Variants in RARB observed in about 807,000 individuals in gnomAD.
RARB encodes retinoic acid receptor beta.
A neutral mutation model predicts 51.9 loss-of-function variants in RARB; 17 were observed. The ratio of observed to expected loss-of-function variants is 0.33; its 90% confidence interval spans 0.22 to 0.49. RARB has a LOEUF of 0.49. RARB is among the 20% of genes least tolerant of loss of function. The probability of loss-of-function intolerance (pLI) is 0.99; values close to 1 mark genes in which losing one functional copy is unlikely to be tolerated. For synonymous variants in RARB, 215 were observed against 195.4 expected (o/e 1.10, Z -0.84); for missense variants, 369 against 550.8 (o/e 0.67, Z 3.30).
intron 1 of RARB, among the ~76,000 whole-genome samples, chr3:24,846,505 C>T (rs148992067): frequency 2.7e-4 from 41 of 152,244 alleles, no homozygotes; most frequent in Non-Finnish European, 4.9e-4. Flanking sequence ...TATCTATTTG[C>T]AGAAGGGAAT....
At chr3:25,308,536 C>T (rs1704208179) in intron 5 of RARB, among the ~76,000 whole-genome samples, 2 of 150,672 alleles carry the variant, frequency 1.3e-5, no homozygotes, top group African/African-American at 4.9e-5. Flanking sequence ...GCAACCCCTG[C>T]CTCCCAGGTT....
At chr3:25,309,367 C>G (rs1232944229) in intron 5 of RARB, among the ~76,000 whole-genome samples, 1 of 151,254 alleles carries the variant, frequency 6.6e-6, no homozygotes, top group Non-Finnish European at 1.5e-5. Context: ...TCTCGATCTC[C>G]TGACCTCGTG....
At chr3:25,144,388 C>G (rs1316801225) in intron 4 of RARB, among the ~76,000 whole-genome samples, 1 of 151,968 alleles carries the variant, frequency 6.6e-6, no homozygotes, top group East Asian at 1.9e-4. Flanking sequence ...TGAGGAGGTT[C>G]TGGAGGGGGT....
At chr3:25,469,195 C>T (rs1695580867) in intron 2 of RARB, among the ~76,000 whole-genome samples, 2 of 152,200 alleles carry the variant, frequency 1.3e-5, no homozygotes, top group Non-Finnish European at 1.5e-5. Context: ...AGACAGCAAG[C>T]AGAATGTTCA....
At chr3:25,439,197 C>T (rs1708556117) in intron 1 of RARB, among the ~76,000 whole-genome samples, 1 of 151,894 alleles carries the variant, frequency 6.6e-6, no homozygotes, top group African/African-American at 2.4e-5. Flanking sequence ...CTACCAAAAG[C>T]AAAAAAGTAA....
intron 5 of RARB, chr3:25,258,915 C>A (rs1702931182): frequency 3.2e-6 from 1 of 313,928 alleles, no homozygotes; most frequent in Admixed American, 6.5e-5. Context: ...CTCTTAAGGA[C>A]CCAAATTCCT....
chr3:24,921,110 T>C (rs964196984), intron 2 of RARB, among the ~76,000 whole-genome samples: 1 of 152,130 alleles, frequency 6.6e-6, no homozygotes, highest in Non-Finnish European at 1.5e-5. Context: ...ATCTCTTAAC[T>C]AGTATATGCT....
At chr3:25,486,121 C>A (rs1457362088) in intron 2 of RARB, among the ~76,000 whole-genome samples, 2 of 152,006 alleles carry the variant, frequency 1.3e-5, no homozygotes, top group African/African-American at 2.4e-5. Flanking sequence ...TGAGTCAATG[C>A]AAAAAGGGCC....
chr3:24,890,068 T>C (rs978370432), intron 2 of RARB, among the ~76,000 whole-genome samples: 20 of 152,158 alleles, frequency 1.3e-4, no homozygotes, highest in African/African-American at 4.6e-4. Flanking sequence ...GATAAAAATA[T>C]TGAAGAATTA....
At chr3:24,948,208 T>C (rs1373243674) in intron 2 of RARB, among the ~76,000 whole-genome samples, 2 of 150,718 alleles carry the variant, frequency 1.3e-5, no homozygotes, top group Admixed American at 6.6e-5. Flanking sequence ...GTGTACCCAC[T>C]AGAGGAAGGC....
At position 25,126,438 on chromosome 3, in the gene RARB, ATC is replaced by A. The variant is rs963130844; in HGVS notation, c.-327-5719_-327-5718del. Among the ~76,000 whole-genome samples the A allele has an allele frequency of 1.1e-4, 16 of 150,850 alleles. No homozygotes were observed. In the East Asian group the frequency reaches 1.7e-3, roughly 16 times the overall value. On this transcript the variant is annotated intron_variant, in intron 3 of 11. Transcript: ENST00000383772. ...TATTGTTATTTTTCCAGTGAAAACA[ATC>A]TCTTTTTTTTTTTTAAAGGTCACTA...
chr3:24,908,688 T>TTTTTA (rs1553613049), intron 2 of RARB, among the ~76,000 whole-genome samples: 10 of 131,412 alleles, frequency 7.6e-5, no homozygotes, highest in East Asian at 2.4e-4. Flanking sequence ...TTTTTTTTTT[T>TTTTTA]ACTAACCTAC....
intron 1 of RARB, among the ~76,000 whole-genome samples, chr3:24,851,589 G>A (rs947134674): frequency 1.3e-4 from 20 of 152,076 alleles, no homozygotes; most frequent in African/African-American, 4.6e-4. Flanking sequence ...ATCACAGGCG[G>A]GACTCCAGAA....
At chr3:25,187,878 G>A (rs1028154412) in intron 5 of RARB, among the ~76,000 whole-genome samples, 1 of 152,068 alleles carries the variant, frequency 6.6e-6, no homozygotes, top group Non-Finnish European at 1.5e-5. Flanking sequence ...GTTTTAGTGT[G>A]TTTGAGACAA....
intron 5 of RARB, among the ~76,000 whole-genome samples, chr3:25,414,540 A>G (rs1159919412): frequency 2.6e-5 from 4 of 152,206 alleles, no homozygotes; most frequent in African/African-American, 4.8e-5. Flanking sequence ...TATGAGAGTT[A>G]TAGTTTCTCC....
intron 2 of RARB, among the ~76,000 whole-genome samples, chr3:24,866,313 A>G (rs1390617583): frequency 3.3e-5 from 5 of 152,040 alleles, no homozygotes; most frequent in Non-Finnish European, 7.4e-5. Flanking sequence ...CCTCAAGCCC[A>G]CACCTCAAAT....
At chr3:25,523,324 C>T (rs1698489595) in intron 3 of RARB, among the ~76,000 whole-genome samples, 1 of 152,090 alleles carries the variant, frequency 6.6e-6, no homozygotes, top group South Asian at 2.1e-4. Context: ...ATCATTGTCT[C>T]AAGGAAGTGT....
At chr3:25,228,886 G>A (rs922855495) in intron 5 of RARB, among the ~76,000 whole-genome samples, 2 of 152,238 alleles carry the variant, frequency 1.3e-5, no homozygotes, top group Middle Eastern at 3.4e-3. Context: ...GTGACTCCTA[G>A]TGAAGATTCT....
chr3:25,520,175 T>C (rs1698344714), intron 3 of RARB, among the ~76,000 whole-genome samples: 1 of 152,200 alleles, frequency 6.6e-6, no homozygotes, highest in African/African-American at 2.4e-5. Context: ...TCTGGCCCTT[T>C]AAGGAAAAAG....
Sources: allele counts gnomAD v4.1 joint callset (sites outside exome capture counted in the v4.1 genomes callset), GRCh38; gene constraint gnomAD v4.1.1; transcripts MANE v1.5; gene names NCBI Gene and HGNC (gene_info 2026-07-23, HGNC 2026-07-21).